RBMS3: variants seen among roughly 807,000 people sequenced by gnomAD.
The protein encoded by RBMS3 is RNA binding motif single stranded interacting protein 3, also known as RNA-binding motif, single-stranded-interacting protein 3.
In RBMS3, 27 loss-of-function variants were observed where a neutral mutation model predicts 66.8. The ratio of observed to expected loss-of-function variants is 0.40; its 90% CI spans 0.30 to 0.56. The LOEUF is 0.56. RBMS3 is among the 20% of genes least tolerant of loss of function. The pLI is 0.40. For synonymous variants in RBMS3, 188 were observed against 183.0 expected, an observed-to-expected ratio of 1.03 and a Z score of -0.22; for missense variants, 513 against 549.5, an observed-to-expected ratio of 0.93 and a Z score of 0.66.
At chr3:29,940,291 C>T (rs555883251) in intron 11 of RBMS3, among the ~76,000 whole-genome samples, 2 of 152,032 alleles carry the variant, frequency 1.3e-5, no homozygotes, top group Non-Finnish European at 2.9e-5. Flanking sequence ...TCTGACGTCT[C>T]TCTCCTAACT....
At chr3:29,774,009 C>A (rs2149399473) in intron 6 of RBMS3, among the ~76,000 whole-genome samples, 2 of 152,128 alleles carry the variant, frequency 1.3e-5, no homozygotes, top group South Asian at 4.1e-4. Context: ...TCACAAGCAA[C>A]CTTGTTTCAA....
In RBMS3 at chr3:29,781,525, A is replaced by T. The variant is rs2056631090; in HGVS notation, c.637+18536A>T. On this transcript the variant is annotated intron_variant, in intron 6 of 14. Coordinates refer to ENST00000383767, the MANE Select transcript of RBMS3 (RefSeq NM_001003793.3). ...TTTTAGTGCTAAATCAATGTTTTAT[A>T]AAAATTTTGGTATTATTAATCAGGG... 1.3e-5 allele frequency among the ~76,000 whole-genome samples: 2 copies of T among 152,216 alleles called. 1 individual carries two copies. The highest frequency in any genetic ancestry group is 4.1e-4 in the South Asian group (2 of 4,834).
At chr3:29,387,576 G>T (rs2125635993) in intron 1 of RBMS3, among the ~76,000 whole-genome samples, 1 of 152,024 alleles carries the variant, frequency 6.6e-6, no homozygotes, top group South Asian at 2.1e-4. Context: ...CCCACAATCT[G>T]TTCTCCACCG....
chr3:29,364,453 G>A (rs753214273), intron 1 of RBMS3, among the ~76,000 whole-genome samples: 7 of 152,068 alleles, frequency 4.6e-5, no homozygotes, highest in Non-Finnish European at 1.0e-4. Context: ...GTATTCTTAT[G>A]CTTCCACAGC....
chr3:29,343,053 T>C (rs1396754617), intron 1 of RBMS3, among the ~76,000 whole-genome samples: 1 of 152,178 alleles, frequency 6.6e-6, no homozygotes, highest in Non-Finnish European at 1.5e-5. Context: ...TAGGATACTT[T>C]TGAAATGGTG....
At chr3:29,767,437 G>T (rs1039712901) in intron 6 of RBMS3, 1 of 150,988 alleles carries the variant, frequency 6.6e-6, no homozygotes, top group Admixed American at 6.8e-5. Flanking sequence ...ACTCTAAGAA[G>T]TAAGGAAAAT....
At chr3:29,466,995 G>A (rs3856685) in intron 2 of RBMS3, among the ~76,000 whole-genome samples, 97,741 of 151,842 alleles carry the variant, frequency 0.64, 32,487 homozygotes, top group African/African-American at 0.8. Context: ...TCCTGTTTCT[G>A]CTAGATTACT....
intron 4 of RBMS3, among the ~76,000 whole-genome samples, chr3:29,661,233 T>C (rs1287132320): frequency 6.6e-6 from 1 of 152,228 alleles, no homozygotes; most frequent in Non-Finnish European, 1.5e-5. Flanking sequence ...AGATTCTACC[T>C]GTGCAATTGT....
At chr3:29,803,426 C>A (rs1385055270) in intron 6 of RBMS3, among the ~76,000 whole-genome samples, 1 of 152,044 alleles carries the variant, frequency 6.6e-6, no homozygotes, top group Non-Finnish European at 1.5e-5. Context: ...TTCTGCCCAT[C>A]CCCATCACAG....
At chr3:29,401,970 T>A (rs2039831691) in intron 1 of RBMS3, among the ~76,000 whole-genome samples, 1 of 152,026 alleles carries the variant, frequency 6.6e-6, no homozygotes, top group Non-Finnish European at 1.5e-5. Context: ...ATTTTACACA[T>A]CAAGAATGTT....
intron 2 of RBMS3, among the ~76,000 whole-genome samples, chr3:29,485,094 C>A (rs1285113235): frequency 6.6e-6 from 1 of 152,132 alleles, no homozygotes; most frequent in Non-Finnish European, 1.5e-5. Flanking sequence ...TCTATTTTCT[C>A]TTCAGCTTTG....
chr3:29,357,082 G>T (rs1343587044), intron 1 of RBMS3, among the ~76,000 whole-genome samples: 1 of 151,914 alleles, frequency 6.6e-6, no homozygotes, highest in East Asian at 1.9e-4. Flanking sequence ...AAGTTCTAGG[G>T]TACATGTGCA....
chr3:29,841,706 A>T (rs761289442), intron 6 of RBMS3, among the ~76,000 whole-genome samples: 38 of 152,060 alleles, frequency 2.5e-4, no homozygotes, highest in Non-Finnish European at 5.2e-4. Context: ...ATGCTTTTAG[A>T]TATAGAGATC....
chr3:29,797,909 C>T (rs1383006534), intron 6 of RBMS3: 1 of 152,032 alleles, frequency 6.6e-6, no homozygotes, highest in African/African-American at 2.4e-5. Flanking sequence ...TTTCAGGTTT[C>T]AAGTGAAAGA....
chr3:29,494,789 C>T (rs1341548330), intron 3 of RBMS3, among the ~76,000 whole-genome samples: 1 of 152,200 alleles, frequency 6.6e-6, no homozygotes, highest in Non-Finnish European at 1.5e-5. Context: ...TTTCTCCCTG[C>T]ACCCACCAGC....
chr3:29,534,934 A>G (rs1186752072), intron 3 of RBMS3, among the ~76,000 whole-genome samples: 4 of 151,844 alleles, frequency 2.6e-5, no homozygotes, highest in African/African-American at 9.6e-5. Context: ...AAAGCCCAAC[A>G]CAAATTGAGA....
intron 2 of RBMS3, among the ~76,000 whole-genome samples, chr3:29,482,273 A>G (rs1048315512): frequency 6.6e-6 from 1 of 152,230 alleles, no homozygotes; most frequent in Non-Finnish European, 1.5e-5. Flanking sequence ...TATATAACCT[A>G]AAGCATAACC....
intron 1 of RBMS3, among the ~76,000 whole-genome samples, chr3:29,327,405 T>C (rs1447333339): frequency 2.0e-5 from 3 of 152,190 alleles, no homozygotes; most frequent in Admixed American, 2.0e-4. Flanking sequence ...GCTACCTCTA[T>C]GTGATAGACA....
chr3:29,897,292 T>TA, intron 8 of RBMS3, 87 bp from the exon 9 acceptor site: 1 of 1,185,722 alleles, frequency 8.4e-7, no homozygotes, highest in Non-Finnish European at 1.3e-6. Context: ...TGGAAATATG[T>TA]CTTTCCCATA....
Sources: allele counts gnomAD v4.1 joint callset (sites outside exome capture counted in the v4.1 genomes callset), GRCh38; gene constraint gnomAD v4.1.1; transcripts MANE v1.5; gene names NCBI Gene and HGNC (gene_info 2026-07-23, HGNC 2026-07-21).